The following GUSB variants were observed in gnomAD, a reference collection of about 807,000 sequenced individuals.
GUSB encodes the protein beta-glucuronidase.
In GUSB, 51 loss-of-function variants were observed where a neutral mutation model predicts 74.6. The observed-to-expected ratio is 0.68, with a 90% CI of 0.55 to 0.86. The LOEUF is 0.86. GUSB is among the 40% of genes least tolerant of loss of function. GUSB has a pLI of 0.00. For missense variants in GUSB, 736 were observed against 853.7 expected, an observed-to-expected ratio of 0.86 and a Z score of 1.72; for synonymous variants, 360 against 348.3, an observed-to-expected ratio of 1.03 and a Z score of -0.37.
intron 8 of GUSB, 58 bp from the exon 9 acceptor site, chr7:65,970,424 C>A: frequency 9.6e-7 from 1 of 1,044,386 alleles, no homozygotes; most frequent in South Asian, 1.3e-5. Flanking sequence ...CTCAGACACC[C>A]TCCCATCCTC....
intron 2 of GUSB, 27 bp from the exon 3 acceptor site, chr7:65,979,938 G>A: frequency 1.3e-6 from 2 of 1,555,216 alleles, no homozygotes; most frequent in African/African-American, 1.4e-5. Flanking sequence ...TACGGGGAGG[G>A]GGCTGCAGGT....
chr7:65,974,862 C>A, intron 6 of GUSB, 57 bp downstream of exon 6: 1 of 1,595,056 alleles, frequency 6.3e-7, no homozygotes, highest in East Asian at 2.2e-5. Flanking sequence ...ACAGGGAAGG[C>A]GAAAGTGGAG....
chr7:65,980,177 G>C, intron 2 of GUSB, 47 bp downstream of exon 2: 1 of 768,594 alleles, frequency 1.3e-6, no homozygotes, highest in Non-Finnish European at 2.3e-6. Context: ...ATGCTGTTCA[G>C]CAGCCGTGCC....
At chr7:65,981,750 G>C (rs549334852) in intron 1 of GUSB, 1 of 525,350 alleles carries the variant, frequency 1.9e-6, no homozygotes, top group African/African-American at 2.0e-5. Context: ...CTCGGGAAAG[G>C]GCTCGGCAAG....
chr7:65,962,255 C>T (rs1790549888), intron 11 of GUSB, among the ~76,000 whole-genome samples: 1 of 152,160 alleles, frequency 6.6e-6, no homozygotes, highest in Non-Finnish European at 1.5e-5. Flanking sequence ...CTTGGCAGCA[C>T]CCACCACTGG....
chr7:65,974,472 C>T (rs1018693505), intron 7 of GUSB, 31 bp from the exon 8 acceptor site: 2 of 1,614,010 alleles, frequency 1.2e-6, no homozygotes, highest in African/African-American at 1.3e-5. Flanking sequence ...GACAGAGGGT[C>T]ACGGTGACGC....
At position 65,980,236 on chromosome 7, in the gene GUSB, G is replaced by A. The variant is rs1396168124; in HGVS notation, c.384C>T (p.Ser128=). ...RVVLRIGSAH[S]YAIVWVNGVD... is the part of the protein sequence containing the mutation. ...TGGCCGCACTGACCACGATGGCATA[G>A]GAATGGGCACTGCCAATCCTCAGCA... The change falls in exon 2 of 12, where the codon TCC becomes TCT. Residue 128 remains serine, a synonymous_variant. Transcript: ENST00000304895. 1.7e-5 allele frequency: 24 copies of A among 1,423,046 alleles called. No individual in the cohort carries two copies. The highest frequency in any genetic ancestry group is 2.0e-5 in the Non-Finnish European group (21 of 1,064,558). The allele number at this position is 1,423,046 out of a possible 1,614,324, so 88.2% of individuals were successfully genotyped here.
At chr7:65,964,662 A>G (rs1246500123) in intron 10 of GUSB, among the ~76,000 whole-genome samples, 1 of 152,228 alleles carries the variant, frequency 6.6e-6, no homozygotes, top group East Asian at 1.9e-4. Flanking sequence ...AAAAAAAAAC[A>G]ACCTTAATGA....
intron 4 of GUSB, among the ~76,000 whole-genome samples, chr7:65,977,542 A>ATTTAT (rs1383509988): frequency 9.2e-5 from 14 of 151,848 alleles, no homozygotes; most frequent in African/African-American, 3.1e-4. Flanking sequence ...TTTTTTATTC[A>ATTTAT]TTTATTTTAT....
At chr7:65,973,792 G>A (rs138814279) in intron 8 of GUSB, among the ~76,000 whole-genome samples, 2,049 of 152,126 alleles carry the variant, frequency 0.013, 32 homozygotes, top group Middle Eastern at 0.034. Flanking sequence ...TTAGCTGGGC[G>A]TGATGACACA....
intron 1 of GUSB, 57 bp downstream of exon 1, chr7:65,981,917 C>G (rs1399325200): frequency 1.4e-6 from 2 of 1,461,082 alleles, no homozygotes; most frequent in African/African-American, 2.8e-5. Context: ...GGCCCGGGCT[C>G]CCCTACTCCC....
chr7:65,977,959 T>C (rs1427612954), intron 4 of GUSB, among the ~76,000 whole-genome samples: 3 of 151,420 alleles, frequency 2.0e-5, no homozygotes, highest in East Asian at 2.0e-4. Flanking sequence ...TACAGGCCCC[T>C]GCCACCATGC....
chr7:65,978,099 C>T (rs1041472447), intron 4 of GUSB, among the ~76,000 whole-genome samples: 43 of 152,208 alleles, frequency 2.8e-4, no homozygotes, highest in Non-Finnish European at 5.3e-4. Flanking sequence ...CATGAGCCAC[C>T]GCGCCCGCCC....
At chr7:65,975,881 C>A in intron 5 of GUSB, 134 bp downstream of exon 5, 1 of 700,740 alleles carries the variant, frequency 1.4e-6, no homozygotes, top group East Asian at 2.6e-5. Context: ...ATGGGCCTCC[C>A]ACCAAGGGTG....
rs10273958 is a variant in GUSB, at chr7:65,965,974, C to A, written c.1654-1516G>T. ...TCACTTGAGGTCAGGAGTTCAAGAC[C>A]AGCCTGACCAACATGGTGAAACCTC... On this transcript the variant is annotated intron_variant, in intron 10 of 11. Transcript: ENST00000304895. 1.1e-3 allele frequency among the ~76,000 whole-genome samples: 173 copies of A among 152,224 alleles called. 1 individual carries two copies. The highest frequency in any genetic ancestry group is 3.8e-3 in the African/African-American group (159 of 41,550).
chr7:65,980,145 G>A (rs780304108), intron 2 of GUSB, 79 bp downstream of exon 2: 5 of 1,348,172 alleles, frequency 3.7e-6, no homozygotes, highest in Admixed American at 3.9e-5. Context: ...CATACATGCC[G>A]TGGGTGGCAG....
intron 2 of GUSB, 35 bp from the exon 3 acceptor site, chr7:65,979,946 G>C: frequency 6.5e-7 from 1 of 1,536,976 alleles, no homozygotes; most frequent in Non-Finnish European, 8.8e-7. Context: ...GGGGGCTGCA[G>C]GTCAGGGCAT....
chr7:65,971,773 G>A (rs979704394), intron 8 of GUSB, among the ~76,000 whole-genome samples: 11 of 151,292 alleles, frequency 7.3e-5, no homozygotes, highest in African/African-American at 1.2e-4. Context: ...TGACATGGCC[G>A]CACACACCTG....
chr7:65,961,289 C>T (rs1790479626), intron 11 of GUSB, among the ~76,000 whole-genome samples: 1 of 152,032 alleles, frequency 6.6e-6, no homozygotes, highest in Non-Finnish European at 1.5e-5. Context: ...CCACCATGCC[C>T]GGTAATCTTT....
Sources: allele counts gnomAD v4.1 joint callset (sites outside exome capture counted in the v4.1 genomes callset), GRCh38; gene constraint gnomAD v4.1.1; transcripts MANE v1.5; gene names NCBI Gene and HGNC (gene_info 2026-07-23, HGNC 2026-07-21).